SLCO3A1: variants seen among roughly 807,000 people sequenced by gnomAD.
The protein encoded by SLCO3A1 is PGE1 transporter.
Under a neutral mutation model 63.1 loss-of-function variants are expected in SLCO3A1, and 27 were observed. That is an observed-to-expected ratio of 0.43 (90% CI 0.32 to 0.59). The LOEUF (loss-of-function observed/expected upper bound fraction) is 0.59, where lower values mean the gene tolerates loss of function less well. SLCO3A1 is among the 20% of genes least tolerant of loss of function. The pLI is 0.09. For synonymous variants in SLCO3A1, 473 were observed against 409.9 expected (o/e 1.15, Z -1.86); for missense variants, 773 against 945.8 (o/e 0.82, Z 2.40).
intron 2 of SLCO3A1, among the ~76,000 whole-genome samples, chr15:92,027,716 G>A (rs148118132): frequency 1.2e-4 from 19 of 152,260 alleles, no homozygotes; most frequent in African/African-American, 3.1e-4. Flanking sequence ...TGTCCCTAAC[G>A]AAAACACAAA....
At chr15:92,140,569 A>G (rs1041855061) in intron 7 of SLCO3A1, among the ~76,000 whole-genome samples, 1 of 152,124 alleles carries the variant, frequency 6.6e-6, no homozygotes, top group Non-Finnish European at 1.5e-5. Flanking sequence ...TCTAATGTTG[A>G]CAGTGGGGTG....
chr15:91,953,562 G>A (rs912183995), intron 2 of SLCO3A1, among the ~76,000 whole-genome samples: 2 of 152,158 alleles, frequency 1.3e-5, no homozygotes, highest in African/African-American at 4.8e-5. Flanking sequence ...CTCATGTTGG[G>A]GCCTGCACTC....
intron 2 of SLCO3A1, among the ~76,000 whole-genome samples, chr15:92,027,231 A>G (rs1446947586): frequency 6.6e-6 from 1 of 152,258 alleles, no homozygotes; most frequent in African/African-American, 2.4e-5. Flanking sequence ...GTATTGTGAC[A>G]ATAAATGCTA....
At chr15:91,915,955 C>G (rs1186273542) in intron 1 of SLCO3A1, 38 bp from the exon 2 acceptor site, 22 of 1,547,878 alleles carry the variant, frequency 1.4e-5, no homozygotes, top group Non-Finnish European at 1.9e-5. Flanking sequence ...TGGGCATCTT[C>G]TTGGATTGGC....
intron 3 of SLCO3A1, among the ~76,000 whole-genome samples, chr15:92,097,332 C>A (rs1452100759): frequency 6.6e-6 from 1 of 152,226 alleles, no homozygotes; most frequent in African/African-American, 2.4e-5. Context: ...ATTTCACTCA[C>A]CAAACTCTCT....
intron 2 of SLCO3A1, among the ~76,000 whole-genome samples, chr15:91,960,502 G>A (rs1440917923): frequency 6.6e-6 from 1 of 152,182 alleles, no homozygotes; most frequent in Non-Finnish European, 1.5e-5. Flanking sequence ...ATCCAAGCCA[G>A]TTCCGGGATG....
intron 3 of SLCO3A1, among the ~76,000 whole-genome samples, chr15:92,096,989 C>A (rs1453334847): frequency 1.3e-5 from 2 of 152,140 alleles, no homozygotes; most frequent in East Asian, 3.9e-4. Flanking sequence ...TATAGACAGG[C>A]CAGCTTCCAC....
rs1304880396 is a variant in SLCO3A1, at chr15:92,162,787, T to A, written c.1785T>A (p.Ala595=). The A allele has an allele frequency of 2.5e-6, 4 of 1,613,898 alleles. No homozygotes were observed. The highest frequency in any genetic ancestry group is 2.5e-6 in the Non-Finnish European group (3 of 1,179,922). ...TCCCTCCACCCCTCATCTTCGGGGC[T>A]GGCATCGACTCCACCTGCCTGTTCT... ...GFIPPPLIFG[A]GIDSTCLFWS... Residue 595 remains alanine, a synonymous_variant, in exon 10 of 10, where the codon GCT becomes GCA. Transcript: ENST00000318445.
At chr15:91,970,239 G>C (rs1481543795) in intron 2 of SLCO3A1, among the ~76,000 whole-genome samples, 1 of 152,346 alleles carries the variant, frequency 6.6e-6, no homozygotes, top group African/African-American at 2.4e-5. Context: ...TAATATTTTA[G>C]TGTATTATTT....
chr15:92,157,702 G>A (rs914639062), intron 9 of SLCO3A1, among the ~76,000 whole-genome samples: 2 of 152,204 alleles, frequency 1.3e-5, no homozygotes, highest in East Asian at 3.9e-4. Flanking sequence ...TTCTCTAGAG[G>A]TGGTGAACTT....
intron 2 of SLCO3A1, among the ~76,000 whole-genome samples, chr15:91,958,328 G>A (rs1900313967): frequency 6.6e-6 from 1 of 152,112 alleles, no homozygotes. Flanking sequence ...AGGATCAACC[G>A]TACTTCATTT....
At chr15:91,947,047 G>A (rs909216526) in intron 2 of SLCO3A1, among the ~76,000 whole-genome samples, 4 of 152,348 alleles carry the variant, frequency 2.6e-5, no homozygotes, top group Non-Finnish European at 4.4e-5. Flanking sequence ...GCAAGCTCCT[G>A]TCATCGGGTC....
At chr15:91,920,349 A>G (rs185908528) in intron 2 of SLCO3A1, among the ~76,000 whole-genome samples, 265 of 152,340 alleles carry the variant, frequency 1.7e-3, no homozygotes, top group Non-Finnish European at 2.6e-3. Flanking sequence ...CCTCCTGGGC[A>G]TACAAATTGC....
intron 2 of SLCO3A1, among the ~76,000 whole-genome samples, chr15:91,931,933 T>C (rs1181956340): frequency 6.6e-6 from 1 of 152,194 alleles, no homozygotes; most frequent in Non-Finnish European, 1.5e-5. Flanking sequence ...GCAAGTGATG[T>C]GAGCATTGAA....
At chr15:92,030,233 T>C (rs2046629741) in intron 2 of SLCO3A1, among the ~76,000 whole-genome samples, 1 of 152,212 alleles carries the variant, frequency 6.6e-6, no homozygotes, top group Non-Finnish European at 1.5e-5. Context: ...AGTTTGGTCT[T>C]TTTTTACCCT....
rs1254449310 is a variant in SLCO3A1, at chr15:92,014,834, A to C, written c.647-80047A>C. Among the ~76,000 whole-genome samples, 4 of 152,174 alleles carry C rather than the reference A, an allele frequency of 2.6e-5. No individual in the cohort carries two copies. In the East Asian group the frequency reaches 7.7e-4, roughly 29 times the overall value. ...TGGGAACTCAGCGTCATGGCTTGGC[A>C]AGGAGACAGAGTAGGCATTGAGGGA... On this transcript the variant is annotated intron_variant, in intron 2 of 9. Transcript: ENST00000318445.
intron 2 of SLCO3A1, among the ~76,000 whole-genome samples, chr15:91,970,486 A>G (rs1007753126): frequency 2.6e-5 from 4 of 152,198 alleles, no homozygotes; most frequent in African/African-American, 9.6e-5. Flanking sequence ...ACGAGAGTCA[A>G]CATGGAACTT....
In SLCO3A1 at chr15:92,120,592, G is replaced by A. The variant is rs541272239; in HGVS notation, c.1137G>A (p.Gln379=). The A allele has an allele frequency of 3.7e-6, 6 of 1,613,724 alleles. No homozygotes were observed. The African/African-American group carries it at 6.7e-5, about 18-fold the overall frequency. ...AAFLGKYLEQ[Q]FNLTTSSANQ... Reference sequence around the variant, plus strand: ...TTTTGGGGAAGTACCTGGAGCAGCAGTTTAACCTCACCACCTCTTCTGCCA... The same window carrying A: ...TTTTGGGGAAGTACCTGGAGCAGCAATTTAACCTCACCACCTCTTCTGCCA... Residue 379 remains glutamine, a synonymous_variant, in exon 5 of 10, where the codon CAG becomes CAA. Coordinates refer to ENST00000318445, the MANE Select transcript of SLCO3A1 (RefSeq NM_013272.4).
rs137992591 is a variant in SLCO3A1 at position 92,069,748 on chromosome 15, G to A, written c.647-25133G>A. On this transcript the variant is annotated intron_variant, in intron 2 of 9. Coordinates refer to ENST00000318445, the MANE Select transcript of SLCO3A1 (RefSeq NM_013272.4). ...ATCTGAACACTCCCATCCCTCACTCGAGCTCTGCTGGGGAAAATGATGAAT... is the reference window on the plus strand; with the variant it reads ...ATCTGAACACTCCCATCCCTCACTCAAGCTCTGCTGGGGAAAATGATGAAT... 2.5e-3 allele frequency among the ~76,000 whole-genome samples: 384 copies of A among 152,216 alleles called. 1 individual carries two copies. The highest frequency in any genetic ancestry group is 3.5e-3 in the Non-Finnish European group (235 of 68,026).
Sources: gnomAD v4.1 joint callset for allele counts (sites outside exome capture counted in the v4.1 genomes callset) on GRCh38, gnomAD v4.1.1 for gene constraint, MANE v1.5 for transcripts, NCBI Gene and HGNC (gene_info 2026-07-23, HGNC 2026-07-21) for gene names.